The following TRIM13 variants were observed in gnomAD, a reference collection of about 807,000 sequenced individuals.
TRIM13 encodes the protein E3 ubiquitin-protein ligase TRIM13.
In TRIM13, 15 loss-of-function variants were observed where a neutral mutation model predicts 27.1. That is an observed-to-expected ratio of 0.55 (90% confidence interval 0.37 to 0.85). The LOEUF (loss-of-function observed/expected upper bound fraction) is 0.85. Among genes scored for constraint, TRIM13 ranks in the 40% least tolerant of loss-of-function variants. The pLI is 0.00. For missense variants in TRIM13, 402 were observed against 472.2 expected (o/e 0.85, Z 1.38); for synonymous variants, 193 against 171.5 (o/e 1.13, Z -0.98).
chr13:50,011,961 T>C lies in TRIM13; in HGVS notation c.21T>C (p.Asp7=), dbSNP rs1594583460. The change falls in exon 2 of 2, where the codon GAT becomes GAC. Residue 7 remains aspartate, a synonymous_variant. Transcript: ENST00000378182. The part of the protein sequence containing the change: MELLEE[D]LTCPICCSLF... ...ATGTGATGGAGCTGCTTGAAGAAGATCTCACATGCCCTATTTGTTGTAGTC... is the reference window on the plus strand; with the variant it reads ...ATGTGATGGAGCTGCTTGAAGAAGACCTCACATGCCCTATTTGTTGTAGTC... 6.2e-7 allele frequency: 1 copy of C among 1,610,488 alleles called. No homozygotes were observed. The highest frequency in any genetic ancestry group is 1.3e-5 in the African/African-American group (1 of 74,868).
In TRIM13 at chr13:50,012,581, C is replaced by T. The variant is rs770375706; in HGVS notation, c.641C>T (p.Ala214Val). The change falls in exon 2 of 2, where the codon GCA becomes GTA. Residue 214 changes from alanine (A) to valine (V), a missense_variant. By Grantham distance (64) the Ala-to-Val change is moderately conservative (BLOSUM62 0). Around this residue, in one of 2 missense-constraint regions of TRIM13, gnomAD observed 202 missense variants for 277.5 expected, o/e 0.73. Coordinates refer to ENST00000378182, the MANE Select transcript of TRIM13 (RefSeq NM_213590.3). ...ACCATGAAACTTGCTGTTATGCAAG[C>T]ATATGACCCAGAGATCAACAAACTC... ...FETMKLAVMQ[A>V]YDPEINKLNT... The T allele has an allele frequency of 2.4e-5, 39 of 1,614,112 alleles. No homozygotes were observed. In the Admixed American group the frequency reaches 3.8e-4, roughly 16 times the overall value.
Position 50,012,186 on chromosome 13 carries a change from T to TA in TRIM13, c.248dup (p.Asn83LysfsTer27). 6.2e-7 allele frequency: 1 copy of TA among 1,614,122 alleles called. No individual in the cohort carries two copies. Among genetic ancestry groups the TA allele is most frequent in the Non-Finnish European group, 8.5e-7 (1 of 1,179,998 alleles). ...CCCTGAAGGGTATTGTGGAAAAGTATAACAAGATCAAGATCTCTCCCAAAA... is the reference window on the plus strand; with the variant it reads ...CCCTGAAGGGTATTGTGGAAAAGTATAAACAAGATCAAGATCTCTCCCAAAA... On this transcript the variant is annotated frameshift_variant, in exon 2 of 2. Transcript: ENST00000378182. LOFTEE classifies it high-confidence loss of function.
chr13:50,004,878 C>A (rs1165802828), intron 1 of TRIM13, among the ~76,000 whole-genome samples: 1 of 151,670 alleles, frequency 6.6e-6, no homozygotes, highest in Non-Finnish European at 1.5e-5. Context: ...GAGTTTGAGA[C>A]CAGCCTGACC....
intron 1 of TRIM13, among the ~76,000 whole-genome samples, chr13:50,004,188 C>T (rs763946891): frequency 4.6e-5 from 7 of 152,196 alleles, no homozygotes; most frequent in Non-Finnish European, 8.8e-5. Context: ...AGGCCAAGTG[C>T]AGTGGCTCTT....
At chr13:50,002,714 G>T (rs1327862810) in intron 1 of TRIM13, among the ~76,000 whole-genome samples, 5 of 151,322 alleles carry the variant, frequency 3.3e-5, no homozygotes, top group Admixed American at 2.0e-4. Context: ...CTAGGCTGGA[G>T]TGCAGTGGTG....
rs557569191 is a variant in TRIM13 at position 50,012,217 on chromosome 13, G to A, written c.277G>A (p.Val93Ile). ...NKIKISPKMP[V>I]CKGHLGQPLN... Reference sequence around the variant, plus strand: ...GATCAAGATCTCTCCCAAAATGCCAGTATGCAAAGGACACTTGGGGCAGCC... The same window carrying A: ...GATCAAGATCTCTCCCAAAATGCCAATATGCAAAGGACACTTGGGGCAGCC... The change falls in exon 2 of 2, where the codon GTA (valine) becomes ATA (isoleucine). Residue 93 changes from valine to isoleucine, a missense_variant. By Grantham distance (29) the Val-to-Ile change is conservative. Transcript: ENST00000378182. The A allele has an allele frequency of 6.2e-6, 10 of 1,614,186 alleles. No individual in the cohort carries two copies. In the South Asian group the frequency reaches 9.9e-5, roughly 16 times the overall value.
At position 50,015,090 on chromosome 13, in the gene TRIM13, AAAAAATATAT is replaced by A. The variant is rs1876267143; in HGVS notation, c.*1928_*1937del. On this transcript the variant is annotated 3_prime_UTR_variant, in exon 2 of 2. Coordinates refer to ENST00000378182, the MANE Select transcript of TRIM13 (RefSeq NM_213590.3). ...CTCCCAGTAATAAAAAAAAAAAAAA[AAAAAATATAT>A]ATATATATATATATATATATATATA... 1 of 39,082 alleles carries A rather than the reference AAAAAATATAT, an allele frequency of 2.6e-5. No homozygotes were observed. Among genetic ancestry groups the A allele is most frequent in the African/African-American group, 1.1e-4 (1 of 9,480 alleles). 2.4% of individuals were successfully genotyped at this position (39,082 alleles called of 1,614,324 possible).
At chr13:50,011,288 A>G (rs967471474) in intron 1 of TRIM13, among the ~76,000 whole-genome samples, 8 of 152,238 alleles carry the variant, frequency 5.3e-5, no homozygotes, top group Admixed American at 4.6e-4. Context: ...GTGAAAATTG[A>G]TGATTCTAGA....
chr13:50,003,954 A>G (rs561363701), intron 1 of TRIM13, among the ~76,000 whole-genome samples: 6 of 152,338 alleles, frequency 3.9e-5, no homozygotes, highest in African/African-American at 1.4e-4. Flanking sequence ...TCAGCTTTTA[A>G]AATTGTTGGT....
chr13:49,999,601 G>A (rs1873772107), intron 1 of TRIM13, among the ~76,000 whole-genome samples: 1 of 152,120 alleles, frequency 6.6e-6, no homozygotes, highest in Non-Finnish European at 1.5e-5. Context: ...GGCTGGTCTT[G>A]AACTGGGCTC....
At chr13:50,004,933 G>A (rs960380684) in intron 1 of TRIM13, among the ~76,000 whole-genome samples, 10 of 151,580 alleles carry the variant, frequency 6.6e-5, no homozygotes, top group Admixed American at 3.3e-4. Flanking sequence ...AAAATTAGCC[G>A]GGTGTGGTGG....
In TRIM13 at chr13:50,012,455, TAC is replaced by T. The variant is rs1266078301; in HGVS notation, c.517_518del (p.Gln173ValfsTer4). The T allele has an allele frequency of 2.7e-5, 44 of 1,613,972 alleles. No individual in the cohort carries two copies. The highest frequency in any genetic ancestry group is 3.7e-5 in the Non-Finnish European group (44 of 1,180,014). On this transcript the variant is annotated frameshift_variant, in exon 2 of 2. Transcript: ENST00000378182. LOFTEE classifies it high-confidence loss of function. ...TTGGAAACTAGTAAGAGGAAATCCC[TAC>T]AGTTACTGACTAAAGATTCAGATAA...
rs1184254177 is a variant in TRIM13, at chr13:50,016,947, G to GTC, written c.*3793_*3794dup. The GTC allele has an allele frequency of 7.2e-5, 12 of 165,636 alleles. No individual in the cohort carries two copies. The East Asian group carries it at 1.6e-3, about 21-fold the overall frequency. 10.3% of individuals were successfully genotyped at this position (165,636 alleles called of 1,614,324 possible). A position where few individuals can be genotyped will look rare whatever the true frequency, so the allele number is the denominator to read the frequency against. On this transcript the variant is annotated 3_prime_UTR_variant, in exon 2 of 2. Coordinates refer to ENST00000378182, the MANE Select transcript of TRIM13 (RefSeq NM_213590.3). ...AGTAGCCAACAGGAAGGATACCAGT[G>GTC]TCTCTCTCTCTTAGCGACACACTCC...
intron 1 of TRIM13, among the ~76,000 whole-genome samples, chr13:50,006,000 C>T (rs1303347798): frequency 6.6e-6 from 1 of 151,902 alleles, no homozygotes; most frequent in Admixed American, 6.6e-5. Flanking sequence ...CAGGCGTAAA[C>T]CACCGCGCTT....
intron 1 of TRIM13, among the ~76,000 whole-genome samples, chr13:50,001,495 A>G (rs552196581): frequency 6.6e-6 from 1 of 152,316 alleles, no homozygotes; most frequent in Non-Finnish European, 1.5e-5. Flanking sequence ...GCTAGTGAAC[A>G]TTCTGTACTA....
rs1876735678 is a variant in TRIM13, at chr13:50,017,350, AC to A, written c.*4187del. ...AGAAGATGTCCTGGAAATACGAAGT[AC>A]TCTTTAAAAACCATGCATTTGGAGA... On this transcript the variant is annotated 3_prime_UTR_variant, in exon 2 of 2. Transcript: ENST00000378182. 1 of 167,054 alleles carries A rather than the reference AC, an allele frequency of 6.0e-6. No homozygotes were observed. Among genetic ancestry groups the A allele is most frequent in the Non-Finnish European group, 1.5e-5 (1 of 68,110 alleles). The allele number at this position is 167,054 out of a possible 1,614,324, so 10.3% of individuals were successfully genotyped here. A position where few individuals can be genotyped will look rare whatever the true frequency, so the allele number is the denominator to read the frequency against.
At chr13:50,001,515 T>C (rs1335654774) in intron 1 of TRIM13, among the ~76,000 whole-genome samples, 1 of 152,186 alleles carries the variant, frequency 6.6e-6, no homozygotes, top group Non-Finnish European at 1.5e-5. Context: ...AGCTCTATTT[T>C]GCCTTGTCAG....
intron 1 of TRIM13, 34 bp from the exon 2 acceptor site, chr13:50,011,901 A>T (rs1407946826): frequency 6.4e-7 from 1 of 1,554,224 alleles, no homozygotes; most frequent in South Asian, 1.3e-5. Context: ...GGTGACGGTT[A>T]TTGGAGTAAA....
At position 50,018,402 on chromosome 13, in the gene TRIM13, A is replaced by C. The variant is rs933616902; in HGVS notation, c.*5238A>C. ...AGTCAAGATCTGGCGCTTGGGGGTA[A>C]GTGGAATGATTTGCTAATATTGAGA... On this transcript the variant is annotated 3_prime_UTR_variant, in exon 2 of 2. Transcript: ENST00000378182. 4 of 166,502 alleles carry C rather than the reference A, an allele frequency of 2.4e-5. No individual in the cohort carries two copies. Among genetic ancestry groups the C allele is most frequent in the African/African-American group, 9.6e-5 (4 of 41,462 alleles). The allele number at this position is 166,502 out of a possible 1,614,324, so 10.3% of individuals were successfully genotyped here. A position where few individuals can be genotyped will look rare whatever the true frequency, so the allele number is the denominator to read the frequency against.
Sources: allele counts gnomAD v4.1 joint callset (sites outside exome capture counted in the v4.1 genomes callset), GRCh38; gene constraint gnomAD v4.1.1; regional missense constraint gnomAD v4.1.1; transcripts MANE v1.5; gene names NCBI Gene and HGNC (gene_info 2026-07-23, HGNC 2026-07-21).